The following ARSD variants were observed in gnomAD, a reference collection of about 807,000 sequenced individuals.
ARSD encodes testis tissue sperm-binding protein Li 39a.
Under a neutral mutation model 32.6 loss-of-function variants are expected in ARSD, and 21 were observed. That is an observed-to-expected ratio of 0.64 (90% CI 0.46 to 0.93). ARSD has a LOEUF of 0.93. Among genes scored for constraint, ARSD ranks in the 40% least tolerant of loss-of-function variants. The pLI is 0.00. For synonymous variants in ARSD, 224 were observed against 237.4 expected (o/e 0.94, Z 0.52); for missense variants, 454 against 520.9 (o/e 0.87, Z 1.25).
At chrX:2,909,745 T>C in intron 8 of ARSD, 72 bp downstream of exon 8, 2 of 923,898 alleles carry the variant, frequency 2.2e-6, no homozygotes, top group South Asian at 2.8e-5. Context: ...CCCAAAATCC[T>C]ATTGAAATAA....
chrX:2,923,168 C>T, intron 2 of ARSD: 1 of 233,602 alleles, frequency 4.3e-6, no homozygotes, highest in South Asian at 4.4e-5. Flanking sequence ...TCCTACACAC[C>T]TGGCCGCTTC....
At chrX:2,925,053 C>T (rs1218063401) in intron 2 of ARSD, among the ~76,000 whole-genome samples, 6 of 112,604 alleles carry the variant, frequency 5.3e-5, no homozygotes, top group Non-Finnish European at 9.4e-5. Flanking sequence ...CCTGAAGTAC[C>T]GGCGGTTAGG....
chrX:2,923,778 G>A (rs2089054368), intron 2 of ARSD, among the ~76,000 whole-genome samples: 1 of 112,287 alleles, frequency 8.9e-6, no homozygotes, highest in South Asian at 3.8e-4. Context: ...GAGGTCCTGG[G>A]GGTCAGGACT....
chrX:2,928,878 C>T (rs2089120091), intron 1 of ARSD, among the ~76,000 whole-genome samples: 1 of 112,079 alleles, frequency 8.9e-6, no homozygotes, highest in South Asian at 3.7e-4. Context: ...CCCAGCAGGG[C>T]GTGACCGGCC....
In ARSD at chrX:2,908,774, A is replaced by C. The variant is rs1382747056; in HGVS notation, c.1367T>G (p.Leu456Arg). Residue 456 changes from leucine (L) to arginine (R), a missense_variant, in exon 9 of 10, where the codon CTG (leucine) becomes CGG (arginine). This residue lies in a region of ARSD where 179 missense variants were observed against 198.5 expected (regional missense o/e 0.90). Coordinates refer to ENST00000381154, the MANE Select transcript of ARSD (RefSeq NM_001669.4). ...AAGATGCTGCCCACAGTAATGAAAC[A>C]GGAACTCATGTGCCGAGCGTGCCTC... ...GAEARSAHEF[L>R]FHYCGQHLHA... The C allele has an allele frequency of 3.3e-6, 4 of 1,207,345 alleles. No individual in the cohort carries two copies. The African/African-American group carries it at 7.0e-5, about 21-fold the overall frequency.
In ARSD at chrX:2,925,689, G is replaced by C. The variant is rs1174616589; in HGVS notation, c.121C>G (p.Pro41Ala). 8.3e-6 allele frequency: 10 copies of C among 1,210,401 alleles called. No individual in the cohort carries two copies. The highest frequency in any genetic ancestry group is 1.1e-5 in the Non-Finnish European group (10 of 894,575). Residue 41 changes from proline (P) to alanine (A), a missense_variant, in exon 2 of 10, where the codon CCA (proline) becomes GCA (alanine). Coordinates refer to ENST00000381154, the MANE Select transcript of ARSD (RefSeq NM_001669.4). Reference sequence around the variant, plus strand: ...TCCGCCATGATCAGTAGGATATTTGGTTTAAAGGCATTTGCAGTTTTAGGT... The same window carrying C: ...TCCGCCATGATCAGTAGGATATTTGCTTTAAAGGCATTTGCAGTTTTAGGT... ...CEPKTANAFK[P>A]NILLIMADDL... is the part of the protein sequence containing the mutation.
rs182984689 is a variant in ARSD at position 2,911,845 on chromosome X, C to G, written c.1001-1052G>C. Among the ~76,000 whole-genome samples the G allele has an allele frequency of 1.1e-4, 12 of 111,083 alleles. No individual in the cohort carries two copies. The East Asian group carries it at 3.4e-3, about 32-fold the overall frequency. Reference sequence around the variant, plus strand: ...TTCACATTGAAACAGAGACCTATGACTGAGAGAAGGCCAGGCACAGTGGCT... The same window carrying G: ...TTCACATTGAAACAGAGACCTATGAGTGAGAGAAGGCCAGGCACAGTGGCT... On this transcript the variant is annotated intron_variant, in intron 6 of 9. Transcript: ENST00000381154.
intron 6 of ARSD, among the ~76,000 whole-genome samples, chrX:2,912,482 A>T (rs1482005377): frequency 9.0e-6 from 1 of 111,487 alleles, no homozygotes; most frequent in African/African-American, 3.3e-5. Flanking sequence ...CACCTTGAGT[A>T]CATGTTCTCA....
intron 3 of ARSD, 70 bp downstream of exon 3, chrX:2,921,833 C>G: frequency 8.8e-7 from 1 of 1,141,603 alleles, no homozygotes; most frequent in Non-Finnish European, 1.2e-6. Context: ...CATCAGTACT[C>G]AACTGTTACA....
At position 2,904,882 on chromosome X, in the gene ARSD, T is replaced by C; in HGVS notation, c.*2389A>G. On this transcript the variant is annotated 3_prime_UTR_variant, in exon 10 of 10. Coordinates refer to ENST00000381154, the MANE Select transcript of ARSD (RefSeq NM_001669.4). ...CTTTTAGCTGCCTCCACTCCCCGTG[T>C]CCCATGCTCCATAGATGTTTCTTTT... 1 of 236,001 alleles carries C rather than the reference T, an allele frequency of 4.2e-6. No homozygotes were observed. Among genetic ancestry groups the C allele is most frequent in the Admixed American group, 6.1e-5 (1 of 16,457 alleles). The allele number at this position is 236,001 out of a possible 1,213,427, so 19.4% of individuals were successfully genotyped here. A position where few individuals can be genotyped will look rare whatever the true frequency, so the allele number is the denominator to read the frequency against.
rs1216277009 is a variant in ARSD at position 2,905,626 on chromosome X, C to A, written c.*1645G>T. 1 of 112,956 alleles carries A rather than the reference C, an allele frequency of 8.9e-6. No homozygotes were observed. Among genetic ancestry groups the A allele is most frequent in the African/African-American group, 3.2e-5 (1 of 31,062 alleles). 9.3% of individuals were successfully genotyped at this position (112,956 alleles called of 1,213,427 possible). Reference sequence around the variant, plus strand: ...ACTTTCCATCAGGGCATCTTCTGTGCCTCTGAGGATCATTTTCCAATTATA... The same window carrying A: ...ACTTTCCATCAGGGCATCTTCTGTGACTCTGAGGATCATTTTCCAATTATA... On this transcript the variant is annotated 3_prime_UTR_variant, in exon 10 of 10. Coordinates refer to ENST00000381154, the MANE Select transcript of ARSD (RefSeq NM_001669.4).
At chrX:2,929,146 G>C in intron 1 of ARSD, 86 bp downstream of exon 1, 1 of 895,126 alleles carries the variant, frequency 1.1e-6, no homozygotes, top group South Asian at 4.1e-5. Flanking sequence ...AGGCTCGCCC[G>C]GGGCGCCCCT....
chrX:2,922,830 G>A (rs1376669180), intron 2 of ARSD, among the ~76,000 whole-genome samples: 7 of 65,639 alleles, frequency 1.1e-4, no homozygotes, highest in Non-Finnish European at 1.8e-4. Flanking sequence ...AGAACAGAGT[G>A]AGACCGTGTC....
intron 8 of ARSD, 101 bp downstream of exon 8, chrX:2,909,715 TA>T: frequency 1.3e-6 from 1 of 749,714 alleles, no homozygotes; most frequent in Non-Finnish European, 1.8e-6. Flanking sequence ...CTTATTTATG[TA>T]ACCAAATACC....
rs777879557 is a variant in ARSD, at chrX:2,909,813, G to A, written c.1298+4C>T. ...AGGGAACAGGCAGCCTTATCTCCAC[G>A]TACCTGTCCTGGGGCACCTCGCCAC... On this transcript the variant is annotated splice_donor_region_variant and intron_variant, in intron 8 of 9. Transcript: ENST00000381154. 26 of 1,193,850 alleles carry A rather than the reference G, an allele frequency of 2.2e-5. No individual in the cohort carries two copies. The highest frequency in any genetic ancestry group is 6.1e-5 in the East Asian group (2 of 33,031).
At chrX:2,915,351 C>T (rs2088946718) in intron 6 of ARSD, among the ~76,000 whole-genome samples, 1 of 111,831 alleles carries the variant, frequency 8.9e-6, no homozygotes, top group Non-Finnish European at 1.9e-5. Flanking sequence ...GACAGGGTTT[C>T]ACCATGTTGC....
At chrX:2,913,759 C>T in intron 6 of ARSD, 2 of 915,792 alleles carry the variant, frequency 2.2e-6, no homozygotes, top group South Asian at 2.5e-5. Context: ...TGTGTGTCCC[C>T]GCCCAAATCT....
chrX:2,908,541 C>T (rs374351680), intron 9 of ARSD, among the ~76,000 whole-genome samples, 180 bp downstream of exon 9: 1,703 of 100,373 alleles, frequency 0.017, 52 homozygotes, highest in African/African-American at 0.058. Context: ...CTCTCCCCCC[C>T]CCATCATCTA....
Position 2,908,806 on chromosome X carries a change from C to T in ARSD, c.1335G>A (p.Gln445=), listed in dbSNP as rs1225123261. The T allele has an allele frequency of 8.3e-7, 1 of 1,209,012 alleles. No individual in the cohort carries two copies. The highest frequency in any genetic ancestry group is 1.8e-5 in the African/African-American group (1 of 56,963). Residue 445 remains glutamine (Q), a synonymous_variant, in exon 9 of 10, where the codon CAG becomes CAA. Transcript: ENST00000381154. ...CATGTGCCGAGCGTGCCTCAGCTCC[C>T]TGCAGCAAGGGTACCAGGCTGTGGC... ...IDGHSLVPLL[Q]GAEARSAHEF...
Sources: gnomAD v4.1 joint callset for allele counts (sites outside exome capture counted in the v4.1 genomes callset) on GRCh38, gnomAD v4.1.1 for gene constraint, gnomAD v4.1.1 regional missense constraint, MANE v1.5 for transcripts, NCBI Gene and HGNC (gene_info 2026-07-23, HGNC 2026-07-21) for gene names.